Variants in KCNN2 observed in about 807,000 individuals in gnomAD.
KCNN2 encodes the protein small conductance calcium-activated potassium channel protein 2.
In KCNN2, 24 loss-of-function variants were observed where a neutral mutation model predicts 55.5. The ratio of observed to expected loss-of-function variants is 0.43; its 90% confidence interval spans 0.31 to 0.61. The LOEUF is 0.61. Among genes scored for constraint, KCNN2 ranks in the 20% least tolerant of loss-of-function variants. The pLI, the probability that KCNN2 is intolerant of heterozygous loss-of-function variation, is 0.08. For missense variants in KCNN2, 754 were observed against 853.6 expected (o/e 0.88, Z 1.45); for synonymous variants, 431 against 336.1 (o/e 1.28, Z -3.09).
intron 2 of KCNN2, among the ~76,000 whole-genome samples, chr5:114,393,643 A>G (rs907619913): frequency 6.6e-6 from 1 of 152,086 alleles, no homozygotes; most frequent in Non-Finnish European, 1.5e-5. Flanking sequence ...GTGCCCAGCC[A>G]CTCAGTTCAC....
At chr5:114,059,507 T>C (rs1283218325) in intron 1 of KCNN2, among the ~76,000 whole-genome samples, 1 of 152,162 alleles carries the variant, frequency 6.6e-6, no homozygotes, top group Non-Finnish European at 1.5e-5. Flanking sequence ...AAATTATGTG[T>C]TTTTTCCCCT....
At position 114,468,482 on chromosome 5, in the gene KCNN2, C is replaced by T. The variant is rs147680948; in HGVS notation, c.1780-4572C>T. On this transcript the variant is annotated intron_variant, in intron 4 of 7. Coordinates refer to ENST00000673685, the MANE Select transcript of KCNN2 (RefSeq NM_021614.4). ...AGATCTTAAAGCTGTTTTATTTTTA[C>T]ATAAAAGCGTGATTTTTTTTCAAGT... 5.7e-3 allele frequency among the ~76,000 whole-genome samples: 862 copies of T among 152,166 alleles called. 8 individuals carry two copies. Among genetic ancestry groups the T allele is most frequent in the South Asian group, 0.021 (100 of 4,816 alleles).
At chr5:114,203,843 G>A (rs542370477) in intron 1 of KCNN2, among the ~76,000 whole-genome samples, 3 of 152,298 alleles carry the variant, frequency 2.0e-5, no homozygotes, top group East Asian at 3.9e-4. Flanking sequence ...CCATTGAACA[G>A]CATCTATTCA....
chr5:114,121,170 A>G (rs1289086138), intron 1 of KCNN2, among the ~76,000 whole-genome samples: 1 of 152,182 alleles, frequency 6.6e-6, no homozygotes. Context: ...ACCACACATG[A>G]CAGATTAACC....
chr5:114,375,821 A>C (rs1040355269), intron 2 of KCNN2, among the ~76,000 whole-genome samples: 1 of 151,718 alleles, frequency 6.6e-6, no homozygotes, highest in Non-Finnish European at 1.5e-5. Context: ...CAATATGCTT[A>C]TTATTATTAT....
chr5:114,471,072 A>T (rs1007613147), intron 4 of KCNN2, among the ~76,000 whole-genome samples: 1 of 152,184 alleles, frequency 6.6e-6, no homozygotes, highest in Non-Finnish European at 1.5e-5. Context: ...ATACTTTATC[A>T]TATAAAATAG....
intron 2 of KCNN2, among the ~76,000 whole-genome samples, chr5:114,269,141 G>C (rs1168783520): frequency 6.6e-6 from 1 of 152,114 alleles, no homozygotes; most frequent in Non-Finnish European, 1.5e-5. Flanking sequence ...ATTTAGAAAA[G>C]TCAAGTTTTT....
intron 2 of KCNN2, among the ~76,000 whole-genome samples, chr5:114,263,147 G>A (rs758690398): frequency 1.3e-5 from 2 of 151,968 alleles, no homozygotes; most frequent in Non-Finnish European, 2.9e-5. Context: ...CTCTTGGTGA[G>A]CATGTTGGCA....
chr5:114,329,969 G>C (rs951904288), intron 2 of KCNN2, among the ~76,000 whole-genome samples: 1 of 152,170 alleles, frequency 6.6e-6, no homozygotes, highest in Admixed American at 6.5e-5. Context: ...GCCCCCAGGA[G>C]AGCACCACCC....
At chr5:114,069,625 G>T (rs554151797) in intron 1 of KCNN2, among the ~76,000 whole-genome samples, 3 of 152,244 alleles carry the variant, frequency 2.0e-5, no homozygotes, top group East Asian at 3.9e-4. Flanking sequence ...CCAGGTATAG[G>T]ACGAAAGTCT....
intron 3 of KCNN2, among the ~76,000 whole-genome samples, chr5:114,435,661 A>G (rs558706615): frequency 6.6e-6 from 1 of 152,186 alleles, no homozygotes; most frequent in Admixed American, 6.5e-5. Context: ...GATCATTATA[A>G]TGTTATTTGG....
intron 1 of KCNN2, among the ~76,000 whole-genome samples, chr5:114,094,469 G>A (rs762670916): frequency 4.6e-5 from 7 of 152,310 alleles, no homozygotes; most frequent in Admixed American, 6.5e-5. Flanking sequence ...ACATGTGTTG[G>A]CTGGCCTTCA....
At chr5:114,464,968 T>C (rs1235516634) in intron 4 of KCNN2, among the ~76,000 whole-genome samples, 1 of 152,202 alleles carries the variant, frequency 6.6e-6, no homozygotes, top group Non-Finnish European at 1.5e-5. Flanking sequence ...CCACAAGGGA[T>C]ATAAATGATG....
At chr5:114,141,192 A>G (rs1752271864) in intron 1 of KCNN2, among the ~76,000 whole-genome samples, 1 of 152,074 alleles carries the variant, frequency 6.6e-6, no homozygotes, top group African/African-American at 2.4e-5. Context: ...CAGGTTTGTT[A>G]CATATGTATA....
At chr5:114,278,659 A>C (rs894439216) in intron 2 of KCNN2, among the ~76,000 whole-genome samples, 2 of 152,190 alleles carry the variant, frequency 1.3e-5, no homozygotes, top group East Asian at 3.9e-4. Flanking sequence ...CTCTGTGGGC[A>C]TGGGACCTGC....
intron 3 of KCNN2, among the ~76,000 whole-genome samples, chr5:114,435,959 G>A (rs992488148): frequency 6.6e-6 from 1 of 152,034 alleles, no homozygotes; most frequent in Non-Finnish European, 1.5e-5. Context: ...CTTAAATTTG[G>A]CTAGTTTCTG....
At chr5:114,283,014 A>T (rs1255784730) in intron 2 of KCNN2, among the ~76,000 whole-genome samples, 1 of 152,262 alleles carries the variant, frequency 6.6e-6, no homozygotes, top group Non-Finnish European at 1.5e-5. Flanking sequence ...TCTTTTCTGC[A>T]GCTCCACTAT....
At chr5:114,179,524 T>C (rs1285470172) in intron 1 of KCNN2, among the ~76,000 whole-genome samples, 1 of 152,260 alleles carries the variant, frequency 6.6e-6, no homozygotes, top group Non-Finnish European at 1.5e-5. Flanking sequence ...CTAAGGTCAC[T>C]GAGCCAGTCA....
At chr5:114,486,063 C>T (rs879811757) in intron 5 of KCNN2, among the ~76,000 whole-genome samples, 1 of 152,152 alleles carries the variant, frequency 6.6e-6, no homozygotes, top group Non-Finnish European at 1.5e-5. Context: ...AAGTCAAGTA[C>T]GTAGAACCCG....
Sources: allele counts gnomAD v4.1 joint callset (sites outside exome capture counted in the v4.1 genomes callset), GRCh38; gene constraint gnomAD v4.1.1; transcripts MANE v1.5; gene names NCBI Gene and HGNC (gene_info 2026-07-23, HGNC 2026-07-21).